ZHX1: variants seen among roughly 807,000 people sequenced by gnomAD.
ZHX1 encodes zinc fingers and homeoboxes 1.
A neutral mutation model predicts 61.8 loss-of-function variants in ZHX1; 20 were observed. The observed-to-expected ratio is 0.32, with a 90% CI of 0.23 to 0.47. The LOEUF (loss-of-function observed/expected upper bound fraction) is 0.47, where lower values mean the gene tolerates loss of function less well. Among genes scored for constraint, ZHX1 ranks in the 20% least tolerant of loss-of-function variants. The pLI is 1.00. For synonymous variants in ZHX1, 318 were observed against 352.6 expected, an observed-to-expected ratio of 0.90 and a Z score of 1.10; for missense variants, 800 against 1,034.8, an observed-to-expected ratio of 0.77 and a Z score of 3.11.
Position 123,249,469 on chromosome 8 carries a change from C to A in ZHX1, c.*855G>T, listed in dbSNP as rs966998269. ...CCTGTATAAACATTTCTGATTTCCA[C>A]GATTGTAAGAAAACACTAAGTATAC... is the stretch of plus-strand genomic sequence containing the variant. On this transcript the variant is annotated 3_prime_UTR_variant, in exon 4 of 4. Coordinates refer to ENST00000395571, the MANE Select transcript of ZHX1 (RefSeq NM_007222.5). 2 of 152,128 alleles carry A rather than the reference C, an allele frequency of 1.3e-5. No individual in the cohort carries two copies. Among genetic ancestry groups the A allele is most frequent in the African/African-American group, 4.8e-5 (2 of 41,450 alleles). The allele number at this position is 152,128 out of a possible 1,614,324, so 9.4% of individuals were successfully genotyped here. A position where few individuals can be genotyped will look rare whatever the true frequency, so the allele number is the denominator to read the frequency against.
chr8:123,264,230 C>A (rs1189196242), intron 2 of ZHX1, among the ~76,000 whole-genome samples: 1 of 152,104 alleles, frequency 6.6e-6, no homozygotes, highest in Non-Finnish European at 1.5e-5. Context: ...ACAGCAAATG[C>A]AAATTTGCAC....
At chr8:123,260,724 T>A (rs1826223576) in intron 2 of ZHX1, among the ~76,000 whole-genome samples, 1 of 151,982 alleles carries the variant, frequency 6.6e-6, no homozygotes, top group African/African-American at 2.4e-5. Flanking sequence ...ATTTGAAAAC[T>A]CATCTTGAGA....
chr8:123,263,712 T>C (rs1826360669), intron 2 of ZHX1, among the ~76,000 whole-genome samples: 1 of 152,018 alleles, frequency 6.6e-6, no homozygotes, highest in Admixed American at 6.6e-5. Context: ...TGGGTGCCTG[T>C]AATCCCAGCT....
chr8:123,253,990 A>G lies in ZHX1; in HGVS notation c.1957T>C (p.Ser653Pro). Residue 653 changes from serine (S) to proline (P), a missense_variant, in exon 3 of 4, where the codon TCT becomes CCT. Physicochemically the swap from Ser to Pro is moderately conservative, Grantham distance 74. Coordinates refer to ENST00000395571, the MANE Select transcript of ZHX1 (RefSeq NM_007222.5). ...GTACTCCCTGACTTAGGTGCACCAGATTCATCTGCAGGAGAAGTTTCTCCA... is the reference window on the plus strand; with the variant it reads ...GTACTCCCTGACTTAGGTGCACCAGGTTCATCTGCAGGAGAAGTTTCTCCA... Reference protein sequence around the residue: ...EAGETSPADESGAPKSGSTGK... With the variant: ...EAGETSPADEPGAPKSGSTGK... 6.2e-7 allele frequency: 1 copy of G among 1,614,162 alleles called. No homozygotes were observed. The highest frequency in any genetic ancestry group is 8.5e-7 in the Non-Finnish European group (1 of 1,180,034).
intron 2 of ZHX1, among the ~76,000 whole-genome samples, chr8:123,256,389 G>C (rs1254917311): frequency 6.6e-6 from 1 of 152,148 alleles, no homozygotes; most frequent in East Asian, 1.9e-4. Flanking sequence ...TCAGACACAA[G>C]CTTATTCATT....
At chr8:123,259,724 G>C (rs920643982) in intron 2 of ZHX1, among the ~76,000 whole-genome samples, 1 of 152,144 alleles carries the variant, frequency 6.6e-6, no homozygotes, top group Non-Finnish European at 1.5e-5. Flanking sequence ...TTTAATTGGG[G>C]TATAATAATA....
At chr8:123,271,273 G>A (rs1428289613) in intron 1 of ZHX1, among the ~76,000 whole-genome samples, 1 of 152,096 alleles carries the variant, frequency 6.6e-6, no homozygotes. Flanking sequence ...AGGATTTTAA[G>A]TTCAAAAAAT....
rs186690002 is a variant in ZHX1, at chr8:123,272,636, G to A, written c.-340+1581C>T. Among the ~76,000 whole-genome samples, 259 of 152,244 alleles carry A rather than the reference G, an allele frequency of 1.7e-3. 1 individual carries two copies. The highest frequency in any genetic ancestry group is 6.2e-3 in the Admixed American group (95 of 15,288). On this transcript the variant is annotated intron_variant, in intron 1 of 3. Coordinates refer to ENST00000395571, the MANE Select transcript of ZHX1 (RefSeq NM_007222.5). Reference sequence around the variant, plus strand: ...TTTTTCAGAATAATTTTTCAGAAACGAAGATAATTAATGTAGCACCATATA... The same window carrying A: ...TTTTTCAGAATAATTTTTCAGAAACAAAGATAATTAATGTAGCACCATATA...
At chr8:123,269,313 T>G (rs1217628880) in intron 1 of ZHX1, among the ~76,000 whole-genome samples, 1 of 152,328 alleles carries the variant, frequency 6.6e-6, no homozygotes, top group East Asian at 1.9e-4. Context: ...CCAAGACATG[T>G]AAAGGCACCA....
chr8:123,258,411 T>C (rs1047126135), intron 2 of ZHX1, among the ~76,000 whole-genome samples: 1 of 152,254 alleles, frequency 6.6e-6, no homozygotes, highest in African/African-American at 2.4e-5. Flanking sequence ...TCTTTCTAAA[T>C]TACCTAGCTC....
In ZHX1 at chr8:123,267,268, C is replaced by T. The variant is rs2131219779; in HGVS notation, c.-226+5G>A. ...TTTACCATACCAAAACAATGAAACA[C>T]ATACTTGCCACAGCTTCCTTAGCAT... On this transcript the variant is annotated splice_donor_5th_base_variant and intron_variant, in intron 2 of 3. Transcript: ENST00000395571. 1 of 1,531,206 alleles carries T rather than the reference C, an allele frequency of 6.5e-7. No individual in the cohort carries two copies. Among genetic ancestry groups the T allele is most frequent in the African/African-American group, 1.4e-5 (1 of 73,084 alleles). 94.9% of individuals were successfully genotyped at this position (1,531,206 alleles called of 1,614,324 possible). A position where few individuals can be genotyped will look rare whatever the true frequency, so the allele number is the denominator to read the frequency against.
intron 2 of ZHX1, chr8:123,262,956 G>A (rs1826324968): frequency 6.7e-6 from 1 of 148,816 alleles, no homozygotes. Flanking sequence ...AGAAAGAAAA[G>A]AAAGGGAGGG....
At position 123,249,635 on chromosome 8, in the gene ZHX1, T is replaced by C. The variant is rs1469737102; in HGVS notation, c.*689A>G. The C allele has an allele frequency of 1.3e-5, 2 of 152,146 alleles. No homozygotes were observed. The highest frequency in any genetic ancestry group is 2.4e-5 in the African/African-American group (1 of 41,456). The allele number at this position is 152,146 out of a possible 1,614,324, so 9.4% of individuals were successfully genotyped here. A position where few individuals can be genotyped will look rare whatever the true frequency, so the allele number is the denominator to read the frequency against. ...TAATAAAAAGCAAATCAGCTTCTAATGGAACAAGTAACAGTAGAAACAGTG... is the reference window on the plus strand; with the variant it reads ...TAATAAAAAGCAAATCAGCTTCTAACGGAACAAGTAACAGTAGAAACAGTG... On this transcript the variant is annotated 3_prime_UTR_variant, in exon 4 of 4. Coordinates refer to ENST00000395571, the MANE Select transcript of ZHX1 (RefSeq NM_007222.5).
intron 2 of ZHX1, among the ~76,000 whole-genome samples, chr8:123,265,873 G>T (rs921953631): frequency 4.6e-5 from 7 of 152,200 alleles, no homozygotes; most frequent in African/African-American, 1.7e-4. Flanking sequence ...CTTTGCTAAT[G>T]CTAATTAAGG....
chr8:123,265,139 A>T (rs1826415722), intron 2 of ZHX1, among the ~76,000 whole-genome samples: 1 of 150,272 alleles, frequency 6.7e-6, no homozygotes, highest in East Asian at 2.0e-4. Context: ...CAGTAAGCCG[A>T]GATTGCGCCA....
At chr8:123,251,473 T>C (rs1220729440) in intron 3 of ZHX1, among the ~76,000 whole-genome samples, 1 of 151,772 alleles carries the variant, frequency 6.6e-6, no homozygotes, top group African/African-American at 2.4e-5. Context: ...ACAGTGTTAA[T>C]ATATAACATA....
At chr8:123,272,709 C>G (rs1341793528) in intron 1 of ZHX1, among the ~76,000 whole-genome samples, 1 of 152,172 alleles carries the variant, frequency 6.6e-6, no homozygotes, top group Non-Finnish European at 1.5e-5. Context: ...ATGACCAACA[C>G]CAGCAAATCT....
At chr8:123,272,575 C>A (rs1004507503) in intron 1 of ZHX1, among the ~76,000 whole-genome samples, 1 of 152,214 alleles carries the variant, frequency 6.6e-6, no homozygotes, top group Non-Finnish European at 1.5e-5. Flanking sequence ...AAACCAACTC[C>A]TGCTCACCTT....
intron 2 of ZHX1, among the ~76,000 whole-genome samples, chr8:123,259,575 C>G (rs1298973226): frequency 6.6e-6 from 1 of 152,010 alleles, no homozygotes; most frequent in Non-Finnish European, 1.5e-5. Flanking sequence ...TGGTAAGATA[C>G]TGTTTCTAAA....
Sources: gnomAD v4.1 joint callset for allele counts (sites outside exome capture counted in the v4.1 genomes callset) on GRCh38, gnomAD v4.1.1 for gene constraint, MANE v1.5 for transcripts, NCBI Gene and HGNC (gene_info 2026-07-23, HGNC 2026-07-21) for gene names.